The following TRIP11 variants were observed in gnomAD, a reference collection of about 807,000 sequenced individuals.
TRIP11 encodes thyroid receptor-interacting protein 11.
Under a neutral mutation model 223.1 loss-of-function variants are expected in TRIP11, and 148 were observed. The ratio of observed to expected loss-of-function variants is 0.66; its 90% confidence interval spans 0.58 to 0.76. TRIP11 has a LOEUF of 0.76. Among genes scored for constraint, TRIP11 ranks in the 30% least tolerant of loss-of-function variants. The probability of loss-of-function intolerance (pLI) is 0.00; values close to 1 mark genes in which losing one functional copy is unlikely to be tolerated. For missense variants in TRIP11, 2,043 were observed against 2,222.0 expected, an observed-to-expected ratio of 0.92 and a Z score of 1.62; for synonymous variants, 762 against 772.6, an observed-to-expected ratio of 0.99 and a Z score of 0.23.
chr14:92,006,021 C>T lies in TRIP11; in HGVS notation c.1955G>A (p.Arg652Lys). The T allele has an allele frequency of 6.3e-7, 1 of 1,587,500 alleles. No homozygotes were observed. The highest frequency in any genetic ancestry group is 2.2e-5 in the East Asian group (1 of 44,670). The change falls in exon 11 of 21, where the codon AGA becomes AAA. Residue 652 changes from arginine to lysine, a missense_variant. Arg to Lys is a conservative substitution (Grantham distance 26). Coordinates refer to ENST00000267622, the MANE Select transcript of TRIP11 (RefSeq NM_004239.4). ...TTCTGAAAGATTTTGCTTTAAGTTT[C>T]TAACTTCAGCTTCTCTTTCTTTAAG... ...TLLKEREAEVRNLKQNLSELE... is the reference protein window; with the variant it reads ...TLLKEREAEVKNLKQNLSELE...
chr14:91,969,362 A>T lies in TRIP11; in HGVS notation c.*311T>A, dbSNP rs956593038. On this transcript the variant is annotated 3_prime_UTR_variant, in exon 21 of 21. Transcript: ENST00000267622. Reference sequence around the variant, plus strand: ...GAGCTTGGAAATCACAAAAGGAAATAAAAAGCTGCCATATAGCTACTAGTA... The same window carrying T: ...GAGCTTGGAAATCACAAAAGGAAATTAAAAGCTGCCATATAGCTACTAGTA... 2.4e-5 allele frequency: 9 copies of T among 371,830 alleles called. No individual in the cohort carries two copies. The highest frequency in any genetic ancestry group is 4.5e-5 in the Non-Finnish European group (9 of 202,108). 23.0% of individuals were successfully genotyped at this position (371,830 alleles called of 1,614,324 possible).
At chr14:91,981,006 ATATATATTTTTT>A (rs2056532815) in intron 16 of TRIP11, among the ~76,000 whole-genome samples, 1 of 66,138 alleles carries the variant, frequency 1.5e-5, no homozygotes, top group African/African-American at 8.2e-5. Flanking sequence ...ATATATATAT[ATATATATTTTTT>A]TTTTTTTTTT....
Position 92,005,357 on chromosome 14 carries a change from CCT to C in TRIP11, c.2617_2618del (p.Arg873GlyfsTer11). ...CAGGTGCGGTTCGACTCTGCTCTTC[CCT>C]GAGTCGTTCCAATTCTTCTTGCAGA... Reference protein sequence around the residue: ...NHLQEELERLREEQSRTAPVA... With the variant: ...NHLQEELERLXEEQSRTAPVA... On this transcript the variant is annotated frameshift_variant, in exon 11 of 21. Transcript: ENST00000267622. LOFTEE classifies it high-confidence loss of function. 1 of 1,614,172 alleles carries C rather than the reference CCT, an allele frequency of 6.2e-7. No individual in the cohort carries two copies. The highest frequency in any genetic ancestry group is 8.5e-7 in the Non-Finnish European group (1 of 1,180,036).
chr14:92,001,343 T>C (rs1442458499), intron 11 of TRIP11, among the ~76,000 whole-genome samples: 2 of 151,112 alleles, frequency 1.3e-5, no homozygotes, highest in African/African-American at 4.9e-5. Context: ...CACTTCTGGA[T>C]AGGGAGGCCA....
At chr14:92,008,131 A>G (rs1228883218) in intron 9 of TRIP11, among the ~76,000 whole-genome samples, 1 of 152,110 alleles carries the variant, frequency 6.6e-6, no homozygotes, top group African/African-American at 2.4e-5. Flanking sequence ...TTTATAAAAA[A>G]CGTTCCCATT....
intron 6 of TRIP11, among the ~76,000 whole-genome samples, 183 bp downstream of exon 6, chr14:92,015,513 G>T (rs760619644): frequency 9.2e-5 from 14 of 151,834 alleles, no homozygotes; most frequent in African/African-American, 2.9e-4. Context: ...ACAAAAATTA[G>T]CTGGGCATGG....
chr14:92,007,723 CTT>C lies in TRIP11; in HGVS notation c.1442_1443del (p.Gln481ArgfsTer7). 6.2e-7 allele frequency: 1 copy of C among 1,613,698 alleles called. No individual in the cohort carries two copies. The highest frequency in any genetic ancestry group is 1.1e-5 in the South Asian group (1 of 91,076). On this transcript the variant is annotated frameshift_variant, in exon 10 of 21. Transcript: ENST00000267622. LOFTEE classifies it high-confidence loss of function. ...DLRLNLEAKE[Q>X]ELNQSISEKE... ...TTTTCACTAATACTCTGATTGAGTTCTTGTTCCTTTGCCTCCAAATTAAGTCT... is the reference window on the plus strand; with the variant it reads ...TTTTCACTAATACTCTGATTGAGTTCGTTCCTTTGCCTCCAAATTAAGTCT...
In TRIP11 at chr14:91,993,990, A is replaced by C. The variant is rs2056715271; in HGVS notation, c.5057-78T>G. The C allele has an allele frequency of 5.4e-6, 6 of 1,113,134 alleles. No homozygotes were observed. In the Admixed American group the frequency reaches 1.2e-4, roughly 22 times the overall value. The allele number at this position is 1,113,134 out of a possible 1,614,324, so 69.0% of individuals were successfully genotyped here. On this transcript the variant is annotated intron_variant, in intron 14 of 20. Coordinates refer to ENST00000267622, the MANE Select transcript of TRIP11 (RefSeq NM_004239.4). ...GAATGTTAAGCCATTTTAAATTTTA[A>C]TAATCCAACGAAAACAGTTCAAATG...
chr14:92,014,564 A>T lies in TRIP11; in HGVS notation c.837T>A (p.Val279=), dbSNP rs1169233076. The T allele has an allele frequency of 6.2e-7, 1 of 1,603,072 alleles. No homozygotes were observed. Among genetic ancestry groups the T allele is most frequent in the Non-Finnish European group, 8.5e-7 (1 of 1,177,856 alleles). ...AGATTTTAGAGAGATCAGTTTCTAT[A>T]ACTCCAGAGCCACCTAGAACATAAA... ...ENLLQQGGSG[V]IETDLSKIYE... is the part of the protein sequence containing the mutation. Residue 279 remains valine (V), a synonymous_variant, in exon 7 of 21, where the codon GTT becomes GTA. Transcript: ENST00000267622.
chr14:92,030,203 C>CAAAAAAAAAAAAAA, intron 2 of TRIP11, among the ~76,000 whole-genome samples: 1 of 67,078 alleles, frequency 1.5e-5, no homozygotes, highest in Non-Finnish European at 2.6e-5. Flanking sequence ...GACTCCGTCT[C>CAAAAAAAAAAAAAA]AAAAAAAAAA....
intron 16 of TRIP11, among the ~76,000 whole-genome samples, chr14:91,977,870 CA>C (rs2056488277): frequency 6.6e-6 from 1 of 152,050 alleles, no homozygotes; most frequent in South Asian, 2.1e-4. Context: ...TCCTAAATTG[CA>C]AAAATCTAAC....
chr14:92,033,946 T>C (rs12896977), intron 1 of TRIP11, among the ~76,000 whole-genome samples: 4 of 152,200 alleles, frequency 2.6e-5, no homozygotes, highest in Non-Finnish European at 4.4e-5. Context: ...GAATGTGCTT[T>C]CTAAGGCCCA....
rs2056376396 is a variant in TRIP11, at chr14:91,969,626, T to C, written c.*47A>G. 4 of 1,584,306 alleles carry C rather than the reference T, an allele frequency of 2.5e-6. No homozygotes were observed. The East Asian group carries it at 6.7e-5, about 27-fold the overall frequency. ...TGTGATAAAGTACATACATATAGTG[T>C]TCATGGTTTCTTTAAAGTGCTAGAT... is the stretch of plus-strand genomic sequence containing the variant. On this transcript the variant is annotated 3_prime_UTR_variant, in exon 21 of 21. Coordinates refer to ENST00000267622, the MANE Select transcript of TRIP11 (RefSeq NM_004239.4).
chr14:91,977,617 T>C (rs934672112), intron 16 of TRIP11, among the ~76,000 whole-genome samples: 21 of 151,212 alleles, frequency 1.4e-4, no homozygotes, highest in Non-Finnish European at 2.5e-4. Context: ...CTTTTCTTTT[T>C]TTTTTTTTCC....
intron 2 of TRIP11, among the ~76,000 whole-genome samples, chr14:92,030,020 AC>A (rs1224634413): frequency 5.3e-5 from 8 of 151,736 alleles, no homozygotes; most frequent in African/African-American, 1.9e-4. Context: ...AAACGGTGAA[AC>A]CCCGTCTCTA....
intron 13 of TRIP11, among the ~76,000 whole-genome samples, chr14:91,997,784 C>A (rs986530827): frequency 2.6e-5 from 4 of 151,800 alleles, no homozygotes; most frequent in African/African-American, 7.3e-5. Flanking sequence ...TGAGTCAAGA[C>A]CAGTTTTTGA....
chr14:92,004,133 G>A lies in TRIP11; in HGVS notation c.3843C>T (p.Leu1281=). Reference sequence around the variant, plus strand: ...GTGCTAATTCCTGCCCAAAATTTTTGAGTTTGGTTTCATTCTGCTCATAAC... The same window carrying A: ...GTGCTAATTCCTGCCCAAAATTTTTAAGTTTGGTTTCATTCTGCTCATAAC... ...IQSYEQNETK[L]KNFGQELAQV... is the part of the protein sequence containing the mutation. The change falls in exon 11 of 21, where the codon CTC becomes CTT. Residue 1281 remains leucine, a synonymous_variant. Coordinates refer to ENST00000267622, the MANE Select transcript of TRIP11 (RefSeq NM_004239.4). The A allele has an allele frequency of 6.2e-7, 1 of 1,614,138 alleles. No homozygotes were observed. The highest frequency in any genetic ancestry group is 8.5e-7 in the Non-Finnish European group (1 of 1,180,028).
chr14:91,989,116 G>A (rs1469485115), intron 15 of TRIP11, among the ~76,000 whole-genome samples: 1 of 152,168 alleles, frequency 6.6e-6, no homozygotes, highest in Non-Finnish European at 1.5e-5. Context: ...CTTGCCCTTA[G>A]AATGTAAATG....
intron 9 of TRIP11, among the ~76,000 whole-genome samples, chr14:92,008,175 A>AGGGG (rs1472507179): frequency 3.3e-5 from 5 of 152,108 alleles, no homozygotes; most frequent in Non-Finnish European, 7.4e-5. Context: ...CACCGTGGCT[A>AGGGG]CCCTTTATCC....
Sources: gnomAD v4.1 joint callset for allele counts (sites outside exome capture counted in the v4.1 genomes callset) on GRCh38, gnomAD v4.1.1 for gene constraint, MANE v1.5 for transcripts, NCBI Gene and HGNC (gene_info 2026-07-23, HGNC 2026-07-21) for gene names.